Variants in RNF180 observed in about 807,000 individuals in gnomAD.
RNF180 encodes E3 ubiquitin-protein ligase RNF180.
A neutral mutation model predicts 59.2 loss-of-function variants in RNF180; 38 were observed. The observed-to-expected ratio is 0.64, with a 90% CI of 0.50 to 0.84. RNF180 has a LOEUF of 0.84. RNF180 is among the 40% of genes least tolerant of loss of function. The probability of loss-of-function intolerance (pLI) is 0.00; values close to 1 mark genes in which losing one functional copy is unlikely to be tolerated. For synonymous variants in RNF180, 262 were observed against 240.3 expected, an observed-to-expected ratio of 1.09 and a Z score of -0.84; for missense variants, 705 against 700.9, an observed-to-expected ratio of 1.01 and a Z score of -0.07.
At chr5:64,179,625 TATGA>T (rs545985875) in intron 1 of RNF180, among the ~76,000 whole-genome samples, 13 of 152,330 alleles carry the variant, frequency 8.5e-5, no homozygotes, top group Admixed American at 4.6e-4. Flanking sequence ...TATTCCATTG[TATGA>T]ATGAACAAAT....
chr5:64,171,635 T>C (rs978863334), intron 1 of RNF180, among the ~76,000 whole-genome samples: 5 of 152,218 alleles, frequency 3.3e-5, no homozygotes, highest in Admixed American at 2.6e-4. Flanking sequence ...TATAACAATT[T>C]TCCCACCACA....
intron 5 of RNF180, among the ~76,000 whole-genome samples, chr5:64,317,210 G>T (rs1744087843): frequency 6.6e-6 from 1 of 152,098 alleles, no homozygotes; most frequent in South Asian, 2.1e-4. Context: ...TTTGGTTCCA[G>T]ACCATCACAG....
intron 5 of RNF180, among the ~76,000 whole-genome samples, chr5:64,317,870 C>G (rs764821629): frequency 6.6e-6 from 1 of 152,120 alleles, no homozygotes; most frequent in Non-Finnish European, 1.5e-5. Flanking sequence ...CTTAGCCTAG[C>G]CTACCTTAAA....
chr5:64,318,793 T>G (rs958130538), intron 5 of RNF180, among the ~76,000 whole-genome samples: 13 of 152,114 alleles, frequency 8.5e-5, no homozygotes, highest in Non-Finnish European at 4.4e-5. Context: ...AAAAAACAAT[T>G]GGATTTGCAT....
chr5:64,214,241 A>G lies in RNF180; in HGVS notation c.915A>G (p.Gln305=). The change falls in exon 4 of 8, where the codon CAA becomes CAG. Residue 305 remains glutamine (Q), a synonymous_variant. Transcript: ENST00000389100. The part of the protein sequence containing the change: ...FSVAPHETQT[Q]RGGEFQCGLE... ...TGGCCCCCCATGAGACCCAGACACAAAGAGGAGGAGAATTTCAGTGTGGTC... is the reference window on the plus strand; with the variant it reads ...TGGCCCCCCATGAGACCCAGACACAGAGAGGAGGAGAATTTCAGTGTGGTC... 6.2e-7 allele frequency: 1 copy of G among 1,614,040 alleles called. No homozygotes were observed. The highest frequency in any genetic ancestry group is 8.5e-7 in the Non-Finnish European group (1 of 1,180,000).
At chr5:64,347,428 G>A (rs576109963) in intron 7 of RNF180, among the ~76,000 whole-genome samples, 1 of 152,142 alleles carries the variant, frequency 6.6e-6, no homozygotes, top group Admixed American at 6.5e-5. Context: ...AGAGGGAAGG[G>A]GCAGTTCCAA....
intron 5 of RNF180, among the ~76,000 whole-genome samples, chr5:64,262,953 CT>C (rs1744431153): frequency 6.6e-6 from 1 of 152,110 alleles, no homozygotes; most frequent in African/African-American, 2.4e-5. Context: ...TTCAAATATC[CT>C]GTTCTCTAGG....
At chr5:64,327,511 A>G (rs1158786262) in intron 6 of RNF180, among the ~76,000 whole-genome samples, 1 of 151,992 alleles carries the variant, frequency 6.6e-6, no homozygotes, top group Admixed American at 6.6e-5. Flanking sequence ...CATACTTTTT[A>G]AATTTAAATT....
At chr5:64,344,942 C>T (rs947015339) in intron 7 of RNF180, among the ~76,000 whole-genome samples, 1 of 151,728 alleles carries the variant, frequency 6.6e-6, no homozygotes, top group Non-Finnish European at 1.5e-5. Flanking sequence ...GAACAAGAAG[C>T]CCCTCCTTCT....
rs1005113889 is a variant in RNF180 at position 64,267,317 on chromosome 5, G to GT, written c.1227+49930dup. Among the ~76,000 whole-genome samples the GT allele has an allele frequency of 9.9e-4, 149 of 150,100 alleles. No individual in the cohort carries two copies. In the Middle Eastern group the frequency reaches 0.01, roughly 10 times the overall value. ...TTAAGAAAGTAATTACACTGAAAAA[G>GT]TTTTTTTTTCACTTTGATTCTTTTA... is the stretch of plus-strand genomic sequence containing the variant. On this transcript the variant is annotated intron_variant, in intron 5 of 7. Coordinates refer to ENST00000389100, the MANE Select transcript of RNF180 (RefSeq NM_001113561.2).
rs1026457509 is a variant in RNF180, at chr5:64,303,034, A to G, written c.1228-22152A>G. 1.3e-5 allele frequency among the ~76,000 whole-genome samples: 2 copies of G among 151,664 alleles called. 1 individual carries two copies. The highest frequency in any genetic ancestry group is 3.0e-5 in the Non-Finnish European group (2 of 67,722). ...TTCTCTTTTTGTGTCTCTTTGTCAC[A>G]TTTTGGCAATTGTTGCAATATTTTA... On this transcript the variant is annotated intron_variant, in intron 5 of 7. Transcript: ENST00000389100.
chr5:64,167,641 A>G (rs1749717862), intron 1 of RNF180, among the ~76,000 whole-genome samples: 1 of 152,188 alleles, frequency 6.6e-6, no homozygotes, highest in Non-Finnish European at 1.5e-5. Flanking sequence ...TCATTTTAAT[A>G]TATTTCTGTA....
rs762302870 is a variant in RNF180 at position 64,214,131 on chromosome 5, T to C, written c.805T>C (p.Leu269=). 6.2e-7 allele frequency: 1 copy of C among 1,614,168 alleles called. No individual in the cohort carries two copies. Among genetic ancestry groups the C allele is most frequent in the Non-Finnish European group, 8.5e-7 (1 of 1,180,014 alleles). Residue 269 remains leucine, a synonymous_variant, in exon 4 of 8, where the codon TTG becomes CTG. Transcript: ENST00000389100. ...AACACAGCCTATTGACCTTTCAGGC[T>C]TGCCTTTACAATCTAGTAAAAATAG... The part of the protein sequence containing the change: ...NETQPIDLSG[L]PLQSSKNSYS...
At chr5:64,245,635 CAA>C (rs1743104297) in intron 5 of RNF180, among the ~76,000 whole-genome samples, 1 of 152,164 alleles carries the variant, frequency 6.6e-6, no homozygotes, top group Non-Finnish European at 1.5e-5. Flanking sequence ...TAGAGACCTA[CAA>C]AGAGACTTAG....
At chr5:64,343,670 A>T (rs925111994) in intron 7 of RNF180, among the ~76,000 whole-genome samples, 1 of 151,894 alleles carries the variant, frequency 6.6e-6, no homozygotes, top group Non-Finnish European at 1.5e-5. Flanking sequence ...GAACAGGAAC[A>T]CCACAGGACC....
chr5:64,271,940 G>C (rs1215602604), intron 5 of RNF180, among the ~76,000 whole-genome samples: 3 of 151,826 alleles, frequency 2.0e-5, no homozygotes, highest in Admixed American at 2.0e-4. Flanking sequence ...TTCTTTCCCA[G>C]TCAAAGAAGA....
intron 1 of RNF180, among the ~76,000 whole-genome samples, chr5:64,195,432 A>G (rs1214178377): frequency 6.6e-6 from 1 of 152,220 alleles, no homozygotes; most frequent in Non-Finnish European, 1.5e-5. Context: ...ATACCATGTG[A>G]AAGGGGTGTG....
At chr5:64,342,846 A>T (rs1745407494) in intron 7 of RNF180, among the ~76,000 whole-genome samples, 1 of 152,164 alleles carries the variant, frequency 6.6e-6, no homozygotes, top group African/African-American at 2.4e-5. Context: ...AGTGCTTTGG[A>T]GATAAAGTCC....
At chr5:64,208,084 T>C (rs1263635392) in intron 2 of RNF180, among the ~76,000 whole-genome samples, 1 of 152,058 alleles carries the variant, frequency 6.6e-6, no homozygotes, top group African/African-American at 2.4e-5. Context: ...GCATCAAATT[T>C]GTAATTTTAA....
Sources: allele counts gnomAD v4.1 joint callset (sites outside exome capture counted in the v4.1 genomes callset), GRCh38; gene constraint gnomAD v4.1.1; transcripts MANE v1.5; gene names NCBI Gene and HGNC (gene_info 2026-07-23, HGNC 2026-07-21).